SGCZ: variants seen among roughly 807,000 people sequenced by gnomAD.
SGCZ encodes sarcoglycan zeta.
SGCZ carries 40 observed loss-of-function variants against 41.3 expected under a neutral mutation model. That is an observed-to-expected ratio of 0.97 (90% CI 0.75 to 1.26). The LOEUF (loss-of-function observed/expected upper bound fraction) is 1.26, where lower values mean the gene tolerates loss of function less well. SGCZ is among the 50% of genes most tolerant of loss of function. The pLI, the probability that SGCZ is intolerant of heterozygous loss-of-function variation, is 0.00. For missense variants in SGCZ, 552 were observed against 369.8 expected (o/e 1.49, Z -4.04); for synonymous variants, 206 against 137.5 (o/e 1.50, Z -3.49).
rs985013923 is a variant in SGCZ, at chr8:15,189,324, A to C, written c.39+48261T>G. On this transcript the variant is annotated intron_variant, in intron 1 of 7. Transcript: ENST00000382080. ...TTATTTATTAGGTTAATATATGTTT[A>C]TTGTACAAAAGCAAACATACGTTTT... Among the ~76,000 whole-genome samples the C allele has an allele frequency of 3.9e-5, 6 of 152,176 alleles. No individual in the cohort carries two copies. In the East Asian group the frequency reaches 1.2e-3, roughly 29 times the overall value.
At chr8:14,210,252 T>A (rs1026338955) in intron 4 of SGCZ, among the ~76,000 whole-genome samples, 1 of 151,924 alleles carries the variant, frequency 6.6e-6, no homozygotes, top group Non-Finnish European at 1.5e-5. Flanking sequence ...AGGGAAAGGG[T>A]TTTACAATGT....
intron 2 of SGCZ, among the ~76,000 whole-genome samples, chr8:14,504,601 G>GT (rs1302248223): frequency 2.0e-5 from 3 of 151,982 alleles, no homozygotes; most frequent in East Asian, 3.9e-4. Context: ...TTGTTTCTTT[G>GT]TTTTTTCTGT....
intron 4 of SGCZ, among the ~76,000 whole-genome samples, chr8:14,167,640 C>A (rs1478026): frequency 6.6e-6 from 1 of 151,920 alleles, no homozygotes; most frequent in Non-Finnish European, 1.5e-5. Context: ...CATAAAAAGA[C>A]TGGAGTATTA....
chr8:14,628,574 G>T (rs1002238546), intron 1 of SGCZ, among the ~76,000 whole-genome samples: 1 of 152,086 alleles, frequency 6.6e-6, no homozygotes, highest in African/African-American at 2.4e-5. Flanking sequence ...TCCATGGATT[G>T]AAATTATTGT....
At chr8:14,438,872 A>C (rs1290739798) in intron 2 of SGCZ, among the ~76,000 whole-genome samples, 1 of 152,226 alleles carries the variant, frequency 6.6e-6, no homozygotes, top group Non-Finnish European at 1.5e-5. Context: ...GGAAAATAAC[A>C]TTCTTTTAAA....
intron 1 of SGCZ, among the ~76,000 whole-genome samples, chr8:15,173,568 T>A (rs535506030): frequency 1.8e-4 from 28 of 152,334 alleles, no homozygotes; most frequent in African/African-American, 5.5e-4. Flanking sequence ...ACAAAATATG[T>A]GTAAATTAAA....
chr8:14,475,977 ATT>A, intron 2 of SGCZ, among the ~76,000 whole-genome samples: 1 of 143,190 alleles, frequency 7.0e-6, no homozygotes, highest in Non-Finnish European at 1.5e-5. Flanking sequence ...ATGCCTAGCT[ATT>A]TTTTTTTTTT....
chr8:14,371,344 G>C (rs1439529343), intron 2 of SGCZ, among the ~76,000 whole-genome samples: 1 of 152,050 alleles, frequency 6.6e-6, no homozygotes, highest in East Asian at 1.9e-4. Flanking sequence ...TCAGTTAAAT[G>C]ACAACATTTT....
At chr8:14,198,951 G>A (rs540978089) in intron 4 of SGCZ, among the ~76,000 whole-genome samples, 10 of 152,170 alleles carry the variant, frequency 6.6e-5, no homozygotes, top group Non-Finnish European at 8.8e-5. Flanking sequence ...GATGTATGTC[G>A]CCTCAGGACC....
chr8:14,428,950 A>T (rs1481659221), intron 2 of SGCZ, among the ~76,000 whole-genome samples: 3 of 152,140 alleles, frequency 2.0e-5, no homozygotes, highest in African/African-American at 7.2e-5. Context: ...TATGGCCCTT[A>T]TTTTAGTGCA....
chr8:14,660,834 T>C (rs928563330), intron 1 of SGCZ, among the ~76,000 whole-genome samples: 1 of 151,782 alleles, frequency 6.6e-6, no homozygotes, highest in Non-Finnish European at 1.5e-5. Context: ...TAAGAGAGAG[T>C]AGTTTTGTTT....
At chr8:15,089,123 T>C (rs1806057560) in intron 1 of SGCZ, among the ~76,000 whole-genome samples, 1 of 152,176 alleles carries the variant, frequency 6.6e-6, no homozygotes, top group African/African-American at 2.4e-5. Flanking sequence ...TGGCCATAGT[T>C]ATATATTATA....
At chr8:14,936,160 G>A (rs186153054) in intron 1 of SGCZ, among the ~76,000 whole-genome samples, 16 of 151,880 alleles carry the variant, frequency 1.1e-4, no homozygotes, top group Admixed American at 6.6e-4. Flanking sequence ...TAGAAGAGGC[G>A]GAAAGGTATC....
At chr8:14,931,158 A>G (rs1261086742) in intron 1 of SGCZ, among the ~76,000 whole-genome samples, 1 of 151,988 alleles carries the variant, frequency 6.6e-6, no homozygotes, top group Admixed American at 6.6e-5. Context: ...CATCATTTCA[A>G]ATTAACTTTT....
chr8:15,106,449 TAAG>T (rs1351751869), intron 1 of SGCZ, among the ~76,000 whole-genome samples: 2 of 152,102 alleles, frequency 1.3e-5, no homozygotes, highest in East Asian at 3.8e-4. Context: ...TTTTCTCTTA[TAAG>T]CTTTCACATT....
intron 3 of SGCZ, among the ~76,000 whole-genome samples, chr8:14,270,169 T>C (rs1024045148): frequency 3.4e-4 from 51 of 151,908 alleles, no homozygotes; most frequent in Middle Eastern, 3.4e-3. Flanking sequence ...CTGTGTTCTA[T>C]GAATAATAAA....
intron 1 of SGCZ, among the ~76,000 whole-genome samples, chr8:14,819,279 G>C (rs1342678266): frequency 2.0e-5 from 3 of 152,158 alleles, no homozygotes; most frequent in Non-Finnish European, 2.9e-5. Context: ...GAAGAGCTGA[G>C]AATTCTCTCA....
At chr8:15,108,667 A>G (rs1425057427) in intron 1 of SGCZ, among the ~76,000 whole-genome samples, 1 of 152,176 alleles carries the variant, frequency 6.6e-6, no homozygotes, top group Non-Finnish European at 1.5e-5. Flanking sequence ...TGTGTGACCC[A>G]TCTCTAAACC....
chr8:14,859,948 C>G (rs1803663112), intron 1 of SGCZ, among the ~76,000 whole-genome samples: 1 of 152,058 alleles, frequency 6.6e-6, no homozygotes, highest in African/African-American at 2.4e-5. Context: ...ACTCAGATGT[C>G]TTGAATGACT....
Sources: allele counts gnomAD v4.1 joint callset (sites outside exome capture counted in the v4.1 genomes callset), GRCh38; gene constraint gnomAD v4.1.1; transcripts MANE v1.5; gene names NCBI Gene and HGNC (gene_info 2026-07-23, HGNC 2026-07-21).